Variants in ZNF469 observed in about 807,000 individuals in gnomAD.
The protein encoded by ZNF469 is zinc finger protein 469.
Under a neutral mutation model 1.0 loss-of-function variants are expected in ZNF469, and 1 was observed. The ratio of observed to expected loss-of-function variants is 1.00; its 90% CI spans 0.35 to 4.73. The LOEUF (loss-of-function observed/expected upper bound fraction) is 4.73. ZNF469 is among the 30% of genes most tolerant of loss of function. ZNF469 has a pLI of 0.16. For synonymous variants in ZNF469, 2,703 were observed against 2,363.4 expected, an observed-to-expected ratio of 1.14 and a Z score of -4.17; for missense variants, 6,100 against 5,356.3, an observed-to-expected ratio of 1.14 and a Z score of -4.33.
At chr16:88,415,792 T>C (rs1905286355) in intron 1 of ZNF469, among the ~76,000 whole-genome samples, 2 of 152,184 alleles carry the variant, frequency 1.3e-5, no homozygotes, top group Admixed American at 6.5e-5. Flanking sequence ...GACGGCTTCT[T>C]CCAGGCGTGT....
At chr16:88,130,703 T>G in the ZNF469 span, among the ~76,000 whole-genome samples, 1 of 60,402 alleles carries the variant, frequency 1.7e-5, no homozygotes, top group Non-Finnish European at 3.4e-5. Context: ...TGAAACTCTG[T>G]GTCAAAAAAA....
chr16:88,103,571 G>A, the ZNF469 span, among the ~76,000 whole-genome samples: 4,691 of 152,272 alleles, frequency 0.031, 176 homozygotes, highest in East Asian at 0.2. Context: ...AATCCCTTGG[G>A]GGGGATCAGG....
At position 88,435,056 on chromosome 16, in the gene ZNF469, A is replaced by G. The variant is rs1013037014; in HGVS notation, c.7586A>G (p.Lys2529Arg). ...LAQKCQPPRKKSHRVSGKERP... is the reference protein window; with the variant it reads ...LAQKCQPPRKRSHRVSGKERP... ...CAAAAGTGCCAGCCGCCCAGGAAGAAAAGCCACAGGGTGTCTGGGAAGGAG... is the reference window on the plus strand; with the variant it reads ...CAAAAGTGCCAGCCGCCCAGGAAGAGAAGCCACAGGGTGTCTGGGAAGGAG... Residue 2529 changes from lysine (K) to arginine (R), a missense_variant, in exon 3 of 3, where the codon AAA becomes AGA. Lys to Arg is a conservative substitution (Grantham distance 26, BLOSUM62 2). Transcript: ENST00000565624. The G allele has an allele frequency of 6.5e-7, 1 of 1,550,262 alleles. No homozygotes were observed. The highest frequency in any genetic ancestry group is 8.7e-7 in the Non-Finnish European group (1 of 1,146,988).
At chr16:88,156,390 C>A in the ZNF469 span, among the ~76,000 whole-genome samples, 1 of 152,198 alleles carries the variant, frequency 6.6e-6, no homozygotes, top group Admixed American at 6.5e-5. Flanking sequence ...CCTTGATCTA[C>A]TGTGAGTCCC....
the ZNF469 span, among the ~76,000 whole-genome samples, chr16:88,193,313 T>TGGTGATGATGGTGGTGAC: frequency 6.6e-6 from 1 of 150,630 alleles, no homozygotes; most frequent in Non-Finnish European, 1.5e-5. Flanking sequence ...TTGGTGGTGA[T>TGGTGATGATGGTGGTGAC]GGTGATGATG....
At chr16:88,233,993 T>G in the ZNF469 span, among the ~76,000 whole-genome samples, 1 of 152,242 alleles carries the variant, frequency 6.6e-6, no homozygotes, top group African/African-American at 2.4e-5. Flanking sequence ...CTTTTGCTGT[T>G]TAAGTGCTTT....
At chr16:88,101,154 C>T in the ZNF469 span, among the ~76,000 whole-genome samples, 6 of 152,204 alleles carry the variant, frequency 3.9e-5, no homozygotes, top group African/African-American at 9.7e-5. Flanking sequence ...GGATTCGATG[C>T]GATTGGGCCA....
the ZNF469 span, among the ~76,000 whole-genome samples, chr16:88,352,619 G>A: frequency 2.0e-5 from 3 of 152,394 alleles, no homozygotes; most frequent in East Asian, 5.8e-4. Context: ...ACTGGTAGAC[G>A]GGGCCGATGG....
chr16:88,315,242 A>G, the ZNF469 span, among the ~76,000 whole-genome samples: 3 of 152,272 alleles, frequency 2.0e-5, no homozygotes, highest in Non-Finnish European at 2.9e-5. Flanking sequence ...GGCGCACGAG[A>G]TCTGTGTGGT....
At chr16:88,341,814 C>T in the ZNF469 span, among the ~76,000 whole-genome samples, 3 of 151,898 alleles carry the variant, frequency 2.0e-5, no homozygotes, top group South Asian at 2.1e-4. Flanking sequence ...GGGGGCTGGG[C>T]GGGTGACTGG....
At chr16:88,242,575 G>C in the ZNF469 span, among the ~76,000 whole-genome samples, 19 of 152,208 alleles carry the variant, frequency 1.2e-4, no homozygotes, top group Non-Finnish European at 2.5e-4. Context: ...ACATTCTTAG[G>C]CCCTGGGGGT....
chr16:88,297,568 A>ATGCC, the ZNF469 span, among the ~76,000 whole-genome samples: 2 of 152,144 alleles, frequency 1.3e-5, no homozygotes, highest in Non-Finnish European at 2.9e-5. Flanking sequence ...TGAGCCCTGC[A>ATGCC]TGCCTGACCT....
At chr16:88,155,003 G>A in the ZNF469 span, among the ~76,000 whole-genome samples, 1 of 152,220 alleles carries the variant, frequency 6.6e-6, no homozygotes, top group Admixed American at 6.5e-5. Context: ...CTGTACGGCA[G>A]ACAAAATGCA....
chr16:88,286,649 G>A, the ZNF469 span, among the ~76,000 whole-genome samples: 1 of 152,274 alleles, frequency 6.6e-6, no homozygotes, highest in African/African-American at 2.4e-5. Context: ...CTGACAAGAT[G>A]CCATCATTCA....
chr16:88,140,238 C>T, the ZNF469 span, among the ~76,000 whole-genome samples: 2 of 152,100 alleles, frequency 1.3e-5, no homozygotes, highest in African/African-American at 2.4e-5. Context: ...TAAATGGAAG[C>T]TGTAAGAGAG....
chr16:88,303,273 A>G, the ZNF469 span, among the ~76,000 whole-genome samples: 4 of 152,228 alleles, frequency 2.6e-5, no homozygotes, highest in East Asian at 7.7e-4. Context: ...AAGTGAAATC[A>G]AGGTAACAAT....
chr16:88,335,193 C>CT, the ZNF469 span, among the ~76,000 whole-genome samples: 1 of 152,190 alleles, frequency 6.6e-6, no homozygotes, highest in Admixed American at 6.5e-5. Context: ...GCCAGGAAAC[C>CT]AGGCCAGGCT....
chr16:88,323,629 T>A, the ZNF469 span, among the ~76,000 whole-genome samples: 73 of 152,156 alleles, frequency 4.8e-4, no homozygotes, highest in African/African-American at 1.6e-3. Context: ...AAAGCCAGGA[T>A]CTCCCTGACC....
chr16:88,266,621 A>G, the ZNF469 span, among the ~76,000 whole-genome samples: 2 of 152,336 alleles, frequency 1.3e-5, no homozygotes, highest in Non-Finnish European at 2.9e-5. Flanking sequence ...GTTTTACAAG[A>G]AAGGAGAAGG....
Sources: gnomAD v4.1 joint callset for allele counts (sites outside exome capture counted in the v4.1 genomes callset) on GRCh38, gnomAD v4.1.1 for gene constraint, MANE v1.5 for transcripts, NCBI Gene and HGNC (gene_info 2026-07-23, HGNC 2026-07-21) for gene names.